The following PBX1 variants were observed in gnomAD, a reference collection of about 807,000 sequenced individuals.
PBX1 encodes pre-B-cell leukemia transcription factor 1.
Under a neutral mutation model 53.4 loss-of-function variants are expected in PBX1, and 6 were observed. That is an observed-to-expected ratio of 0.11 (90% CI 0.06 to 0.22). The LOEUF (loss-of-function observed/expected upper bound fraction) is 0.22. PBX1 is among the 10% of genes least tolerant of loss of function. PBX1 has a pLI of 1.00. For missense variants in PBX1, 251 were observed against 551.4 expected, an observed-to-expected ratio of 0.46 and a Z score of 5.46; for synonymous variants, 204 against 212.3, an observed-to-expected ratio of 0.96 and a Z score of 0.34.
chr1:164,801,951 A>G (rs74118207), intron 4 of PBX1, among the ~76,000 whole-genome samples: 2,461 of 152,314 alleles, frequency 0.016, 70 homozygotes, highest in African/African-American at 0.056. Context: ...ACTAGCTATA[A>G]TTGGGAGAGA....
chr1:164,639,127 A>G (rs970366630), intron 2 of PBX1, among the ~76,000 whole-genome samples: 1 of 152,200 alleles, frequency 6.6e-6, no homozygotes, highest in African/African-American at 2.4e-5. Flanking sequence ...AGGGATAGCA[A>G]TATCGGTTTT....
chr1:164,711,442 T>C (rs990427953), intron 2 of PBX1, among the ~76,000 whole-genome samples: 5 of 152,186 alleles, frequency 3.3e-5, no homozygotes, highest in African/African-American at 1.2e-4. Context: ...TTTTTGTATT[T>C]TTCATAGAGA....
intron 2 of PBX1, among the ~76,000 whole-genome samples, chr1:164,782,867 G>T (rs1163972155): frequency 1.3e-5 from 2 of 152,136 alleles, no homozygotes; most frequent in African/African-American, 4.8e-5. Flanking sequence ...GGCGGAGAAG[G>T]GTGATTGTGA....
chr1:164,646,734 T>A (rs1359632150), intron 2 of PBX1, among the ~76,000 whole-genome samples: 1 of 152,156 alleles, frequency 6.6e-6, no homozygotes, highest in Non-Finnish European at 1.5e-5. Context: ...CAGGATTGAG[T>A]AGATTGAGCA....
chr1:164,572,037 G>C (rs1469571204), intron 2 of PBX1, among the ~76,000 whole-genome samples: 1 of 150,426 alleles, frequency 6.6e-6, no homozygotes, highest in Non-Finnish European at 1.5e-5. Flanking sequence ...CTCCTGAGTA[G>C]CTGGGATTAC....
intron 2 of PBX1, among the ~76,000 whole-genome samples, chr1:164,704,247 C>T (rs1463918301): frequency 6.6e-6 from 1 of 152,138 alleles, no homozygotes; most frequent in Non-Finnish European, 1.5e-5. Context: ...CAGATTATTC[C>T]CCAGTTGCCA....
intron 3 of PBX1, 46 bp downstream of exon 3, chr1:164,792,784 G>A (rs1338952890): frequency 6.9e-7 from 1 of 1,444,918 alleles, no homozygotes; most frequent in African/African-American, 1.4e-5. Context: ...CTTTAGGAAA[G>A]GGTGGAGGAA....
At chr1:164,633,482 C>T (rs1658546151) in intron 2 of PBX1, among the ~76,000 whole-genome samples, 1 of 152,138 alleles carries the variant, frequency 6.6e-6, no homozygotes, top group African/African-American at 2.4e-5. Flanking sequence ...ATAGTTGGGT[C>T]ATTTTCTATT....
intron 2 of PBX1, among the ~76,000 whole-genome samples, chr1:164,749,638 A>C (rs1666089631): frequency 1.3e-5 from 2 of 152,196 alleles, no homozygotes; most frequent in South Asian, 4.1e-4. Context: ...GACCACAAAA[A>C]AACTTTTTAG....
chr1:164,745,341 C>G (rs910047552), intron 2 of PBX1, among the ~76,000 whole-genome samples: 3 of 152,178 alleles, frequency 2.0e-5, no homozygotes, highest in Non-Finnish European at 2.9e-5. Flanking sequence ...GGATGGAGCC[C>G]TATACAAGTG....
chr1:164,559,964 C>A lies in PBX1; in HGVS notation c.142C>A (p.Gln48Lys). 2 of 1,536,962 alleles carry A rather than the reference C, an allele frequency of 1.3e-6. No individual in the cohort carries two copies. The highest frequency in any genetic ancestry group is 1.8e-6 in the Non-Finnish European group (2 of 1,139,054). ...GAAGCAGGACATTGGAGACATTTTACAGCAAATTATGACCATCACAGACCA... is the reference window on the plus strand; with the variant it reads ...GAAGCAGGACATTGGAGACATTTTAAAGCAAATTATGACCATCACAGACCA... ...GRKQDIGDIL[Q>K]QIMTITDQSL... The change falls in exon 1 of 9, where the codon CAG becomes AAG. Residue 48 changes from glutamine (Q) to lysine (K), a missense_variant. Gln to Lys is a moderately conservative substitution (Grantham distance 53). Coordinates refer to ENST00000420696, the MANE Select transcript of PBX1 (RefSeq NM_002585.4).
intron 2 of PBX1, among the ~76,000 whole-genome samples, chr1:164,870,476 T>C (rs1558053992): frequency 1.3e-5 from 2 of 151,866 alleles, no homozygotes; most frequent in Non-Finnish European, 2.9e-5. Context: ...TCCCAAGTAA[T>C]GGGATTACAG....
chr1:164,785,286 T>TA lies in PBX1; in HGVS notation c.266-7202dup, dbSNP rs1209957068. ...TGAATAACTCTTTAAAAATCACCAT[T>TA]AAAAAAGGCATTTCACATCAAACAG... On this transcript the variant is annotated intron_variant, in intron 2 of 8. Transcript: ENST00000420696. Among the ~76,000 whole-genome samples the TA allele has an allele frequency of 3.3e-5, 5 of 152,112 alleles. No individual in the cohort carries two copies. In the South Asian group the frequency reaches 8.3e-4, roughly 25 times the overall value.
At chr1:164,615,775 A>C (rs1657237638) in intron 2 of PBX1, among the ~76,000 whole-genome samples, 1 of 152,206 alleles carries the variant, frequency 6.6e-6, no homozygotes, top group South Asian at 2.1e-4. Flanking sequence ...AAAACCCACG[A>C]GACAGTTACA....
intron 8 of PBX1, among the ~76,000 whole-genome samples, chr1:164,845,937 T>C (rs1354548566): frequency 1.3e-5 from 2 of 152,242 alleles, no homozygotes; most frequent in African/African-American, 2.4e-5. Flanking sequence ...AAATGTGATA[T>C]TGTTTTCATT....
At chr1:164,871,483 G>A (rs1672381197) in intron 2 of PBX1, among the ~76,000 whole-genome samples, 1 of 152,204 alleles carries the variant, frequency 6.6e-6, no homozygotes, top group Admixed American at 6.5e-5. Context: ...TGCTGATTTG[G>A]GTTTTCCTGA....
intron 2 of PBX1, among the ~76,000 whole-genome samples, chr1:164,660,032 A>C (rs551435211): frequency 6.6e-6 from 1 of 152,176 alleles, no homozygotes; most frequent in African/African-American, 2.4e-5. Flanking sequence ...GTAGTTTGCA[A>C]CCAAAAACCT....
At chr1:164,836,159 A>G (rs1467795197) in intron 8 of PBX1, among the ~76,000 whole-genome samples, 1 of 152,176 alleles carries the variant, frequency 6.6e-6, no homozygotes, top group African/African-American at 2.4e-5. Context: ...TTGAGTGACT[A>G]GATGTTTTAT....
chr1:164,682,367 T>A (rs2101999915), intron 2 of PBX1: 1 of 152,300 alleles, frequency 6.6e-6, no homozygotes, highest in Admixed American at 6.5e-5. Context: ...GGGAAGAACC[T>A]GTTCATCAGC....
Sources: gnomAD v4.1 joint callset for allele counts (sites outside exome capture counted in the v4.1 genomes callset) on GRCh38, gnomAD v4.1.1 for gene constraint, MANE v1.5 for transcripts, NCBI Gene and HGNC (gene_info 2026-07-23, HGNC 2026-07-21) for gene names.